KCNC1: variants seen among roughly 807,000 people sequenced by gnomAD.
KCNC1 encodes the protein voltage-gated potassium channel KCNC1.
Under a neutral mutation model 43.4 loss-of-function variants are expected in KCNC1, and 8 were observed. That is an observed-to-expected ratio of 0.18 (90% CI 0.11 to 0.33). The LOEUF (loss-of-function observed/expected upper bound fraction) is 0.33, where lower values mean the gene tolerates loss of function less well. Ranked by LOEUF, KCNC1 falls within the 10% of genes least tolerant of loss-of-function variation. The pLI is 1.00. For missense variants in KCNC1, 420 were observed against 836.0 expected, an observed-to-expected ratio of 0.50 and a Z score of 6.14; for synonymous variants, 361 against 360.5, an observed-to-expected ratio of 1.00 and a Z score of -0.01.
intron 1 of KCNC1, among the ~76,000 whole-genome samples, chr11:17,764,815 CTG>C (rs1254095040): frequency 1.3e-5 from 2 of 152,146 alleles, no homozygotes; most frequent in Non-Finnish European, 2.9e-5. Context: ...GCCCAGCACA[CTG>C]TGAGCATTCC....
Position 17,771,874 on chromosome 11 carries a change from C to T in KCNC1, c.780C>T (p.Phe260=). 1 of 1,614,238 alleles carries T rather than the reference C, an allele frequency of 6.2e-7. No homozygotes were observed. The change falls in exon 2 of 4, where the codon TTC becomes TTT. Residue 260 remains phenylalanine (F), a synonymous_variant. Transcript: ENST00000265969. The surrounding 1 kb of genome is among the most constrained non-coding windows in gnomAD (Gnocchi z 4.7). ...GVCVVWFTFE[F]LMRVIFCPNK... is the part of the protein sequence containing the mutation. ...GTGTGGTCTGGTTCACCTTCGAGTT[C>T]CTCATGCGTGTCATCTTCTGCCCCA...
At position 17,782,518 on chromosome 11, in the gene KCNC1, T is replaced by C. The variant is rs368510952; in HGVS notation, c.*784T>C. On this transcript the variant is annotated 3_prime_UTR_variant, in exon 4 of 4. Coordinates refer to ENST00000265969, the MANE Select transcript of KCNC1 (RefSeq NM_001112741.2). ...ACCAACTTTCATAACAAATTGTTCA[T>C]AGTAAATAATCACCACCGTATGGAT... 2 of 152,254 alleles carry C rather than the reference T, an allele frequency of 1.3e-5. No homozygotes were observed. The highest frequency in any genetic ancestry group is 3.9e-4 in the East Asian group (2 of 5,174). 9.4% of individuals were successfully genotyped at this position (152,254 alleles called of 1,614,324 possible).
At chr11:17,774,358 G>T in intron 2 of KCNC1, 2 of 985,556 alleles carry the variant, frequency 2.0e-6, no homozygotes, top group Non-Finnish European at 2.4e-6. Context: ...GCACTACCTG[G>T]CCCTTCCCCT....
At chr11:17,763,920 T>TGCACATATACACGCCC (rs1330517980) in intron 1 of KCNC1, among the ~76,000 whole-genome samples, 2 of 102,016 alleles carry the variant, frequency 2.0e-5, no homozygotes, top group African/African-American at 7.8e-5. Flanking sequence ...ACACCACACA[T>TGCACATATACACGCCC]GCACATATAC....
At chr11:17,763,919 A>G (rs1444638905) in intron 1 of KCNC1, among the ~76,000 whole-genome samples, 3 of 115,046 alleles carry the variant, frequency 2.6e-5, no homozygotes, top group Non-Finnish European at 5.3e-5. Flanking sequence ...CACACCACAC[A>G]TGCACATATA....
intron 1 of KCNC1, among the ~76,000 whole-genome samples, chr11:17,738,425 C>T (rs980932248): frequency 1.3e-5 from 2 of 152,208 alleles, no homozygotes; most frequent in Non-Finnish European, 2.9e-5. Flanking sequence ...TCAGCCCACA[C>T]TTGACCTTGG....
chr11:17,778,495 A>C (rs1849309692), intron 2 of KCNC1, among the ~76,000 whole-genome samples: 1 of 152,262 alleles, frequency 6.6e-6, no homozygotes, highest in African/African-American at 2.4e-5. Context: ...CTGCTGCCAC[A>C]GCCTCATGCA....
intron 1 of KCNC1, among the ~76,000 whole-genome samples, chr11:17,751,550 C>T (rs1461904086): frequency 6.6e-6 from 1 of 152,142 alleles, no homozygotes; most frequent in East Asian, 1.9e-4. Flanking sequence ...TGGAGTGGCC[C>T]AGTACATGTG....
At chr11:17,755,373 A>T (rs911494194) in intron 1 of KCNC1, among the ~76,000 whole-genome samples, 2 of 152,160 alleles carry the variant, frequency 1.3e-5, no homozygotes, top group African/African-American at 4.8e-5. Flanking sequence ...AGTTCGATTC[A>T]TGTTTTAAAA....
chr11:17,781,999 C>A lies in KCNC1; in HGVS notation c.*265C>A. 1 of 420,342 alleles carries A rather than the reference C, an allele frequency of 2.4e-6. No individual in the cohort carries two copies. The highest frequency in any genetic ancestry group is 4.2e-6 in the Non-Finnish European group (1 of 238,302). The allele number at this position is 420,342 out of a possible 1,614,324, so 26.0% of individuals were successfully genotyped here. A position where few individuals can be genotyped will look rare whatever the true frequency, so the allele number is the denominator to read the frequency against. ...TGGAGGGGCTCCTTAGCATGACTTG[C>A]ATGAAGTTAAACAGAAAACCCAGCA... is the stretch of plus-strand genomic sequence containing the variant. On this transcript the variant is annotated 3_prime_UTR_variant, in exon 4 of 4. Transcript: ENST00000265969. This position sits in a 1 kb window ranked among gnomAD's most constrained non-coding sequence, Gnocchi z 5.1.
At chr11:17,762,332 A>G (rs1307048838) in intron 1 of KCNC1, among the ~76,000 whole-genome samples, 1 of 152,072 alleles carries the variant, frequency 6.6e-6, no homozygotes, top group Non-Finnish European at 1.5e-5. Context: ...ATGATCCTAA[A>G]CCTTTGGAGA....
Position 17,781,444 on chromosome 11 carries a change from TGTGC to T in KCNC1, c.1694-225_1694-222del. ...GAAGGCATGCAGGTGTGTGAGTCAATGTGCAGAGCAGAAGTAGGGACTCATCCCA... is the reference window on the plus strand; with the variant it reads ...GAAGGCATGCAGGTGTGTGAGTCAATAGAGCAGAAGTAGGGACTCATCCCA... On this transcript the variant is annotated intron_variant, in intron 3 of 3. Transcript: ENST00000265969. This position sits in a 1 kb window ranked among gnomAD's most constrained non-coding sequence, Gnocchi z 5.1. The T allele has an allele frequency of 1.9e-6, 1 of 514,662 alleles. No individual in the cohort carries two copies. Among genetic ancestry groups the T allele is most frequent in the Non-Finnish European group, 3.4e-6 (1 of 292,850 alleles). The allele number at this position is 514,662 out of a possible 1,614,324, so 31.9% of individuals were successfully genotyped here. A position where few individuals can be genotyped will look rare whatever the true frequency, so the allele number is the denominator to read the frequency against.
intron 1 of KCNC1, among the ~76,000 whole-genome samples, chr11:17,758,973 T>C (rs1268872677): frequency 6.6e-6 from 1 of 152,232 alleles, no homozygotes; most frequent in Non-Finnish European, 1.5e-5. Flanking sequence ...AAGCCAGGCA[T>C]TGACTTCTTC....
At position 17,742,190 on chromosome 11, in the gene KCNC1, C is replaced by T. The variant is rs542866498; in HGVS notation, c.570+5618C>T. On this transcript the variant is annotated intron_variant, in intron 1 of 3. Coordinates refer to ENST00000265969, the MANE Select transcript of KCNC1 (RefSeq NM_001112741.2). This position sits in a 1 kb window ranked among gnomAD's most constrained non-coding sequence, Gnocchi z 4.2. ...CTCGTATCTCCTGACTCCTGGCTCACAGGTGCTTTGTGTCACATCGCCTCA... is the reference window on the plus strand; with the variant it reads ...CTCGTATCTCCTGACTCCTGGCTCATAGGTGCTTTGTGTCACATCGCCTCA... 6.6e-6 allele frequency among the ~76,000 whole-genome samples: 1 copy of T among 152,348 alleles called. No homozygotes were observed. Among genetic ancestry groups the T allele is most frequent in the East Asian group, 1.9e-4 (1 of 5,180 alleles).
chr11:17,766,126 G>A (rs542920906), intron 1 of KCNC1, among the ~76,000 whole-genome samples: 5 of 152,348 alleles, frequency 3.3e-5, no homozygotes, highest in South Asian at 2.1e-4. Flanking sequence ...CTCACAGTGC[G>A]TATGCTGTGC....
chr11:17,763,408 C>A (rs1849099796), intron 1 of KCNC1, among the ~76,000 whole-genome samples: 1 of 151,956 alleles, frequency 6.6e-6, no homozygotes, highest in Non-Finnish European at 1.5e-5. Context: ...GCTCAGAGAA[C>A]ACGTGCCCAG....
At chr11:17,769,442 G>A (rs559018924) in intron 1 of KCNC1, among the ~76,000 whole-genome samples, 2 of 152,008 alleles carry the variant, frequency 1.3e-5, no homozygotes, top group African/African-American at 4.8e-5. Context: ...AAAGAAGGGA[G>A]GGAGGATGAG....
chr11:17,772,363 G>C lies in KCNC1; in HGVS notation c.1269G>C (p.Ala423=). The change falls in exon 2 of 4, where the codon GCG becomes GCC. Residue 423 remains alanine, a synonymous_variant. Coordinates refer to ENST00000265969, the MANE Select transcript of KCNC1 (RefSeq NM_001112741.2). ...TGGTGGGGGCTCTGTGTGCGCTGGCGGGCGTGCTCACCATCGCCATGCCCG... is the reference window on the plus strand; with the variant it reads ...TGGTGGGGGCTCTGTGTGCGCTGGCCGGCGTGCTCACCATCGCCATGCCCG... ...GMLVGALCAL[A]GVLTIAMPVP... The C allele has an allele frequency of 6.2e-7, 1 of 1,614,138 alleles. No individual in the cohort carries two copies. Among genetic ancestry groups the C allele is most frequent in the South Asian group, 1.1e-5 (1 of 91,078 alleles).
At chr11:17,753,352 G>GCTGGAGT (rs1848989593) in intron 1 of KCNC1, among the ~76,000 whole-genome samples, 1 of 152,238 alleles carries the variant, frequency 6.6e-6, no homozygotes, top group African/African-American at 2.4e-5. Flanking sequence ...GCCCCAGGCA[G>GCTGGAGT]CTGGAGTCTG....
Sources: gnomAD v4.1 joint callset for allele counts (sites outside exome capture counted in the v4.1 genomes callset) on GRCh38, gnomAD v4.1.1 for gene constraint, Gnocchi (gnomAD v3.1) non-coding constraint, MANE v1.5 for transcripts, NCBI Gene and HGNC (gene_info 2026-07-23, HGNC 2026-07-21) for gene names.